Variants in ZP3 observed in about 807,000 individuals in gnomAD.
ZP3 encodes the protein zona pellucida sperm-binding protein 3.
Under a neutral mutation model 35.6 loss-of-function variants are expected in ZP3, and 21 were observed. The ratio of observed to expected loss-of-function variants is 0.59; its 90% CI spans 0.42 to 0.85. The LOEUF is 0.85. Among genes scored for constraint, ZP3 ranks in the 40% least tolerant of loss-of-function variants. The probability of loss-of-function intolerance (pLI) is 0.00; values close to 1 mark genes in which losing one functional copy is unlikely to be tolerated. For synonymous variants in ZP3, 207 were observed against 214.5 expected, an observed-to-expected ratio of 0.96 and a Z score of 0.31; for missense variants, 437 against 536.5, an observed-to-expected ratio of 0.81 and a Z score of 1.83.
upstream of ZP3, among the ~76,000 whole-genome samples, chr7:76,423,063 G>GAAAGAAAGAAAC (rs1319925754): frequency 1.4e-5 from 2 of 145,968 alleles, no homozygotes; most frequent in African/African-American, 5.2e-5. Context: ...AAGAAAGAAA[G>GAAAGAAAGAAAC]AAAGAAAGAA....
chr7:76,422,919 C>T (rs1465898691), upstream of ZP3, among the ~76,000 whole-genome samples: 1 of 146,248 alleles, frequency 6.8e-6, no homozygotes, highest in Non-Finnish European at 1.5e-5. Flanking sequence ...ATCACTTGAA[C>T]CCAGGAGGCG....
chr7:76,416,960 A>C (rs1584047263), intron 1 of ZP3, among the ~76,000 whole-genome samples: 2 of 147,362 alleles, frequency 1.4e-5, no homozygotes, highest in South Asian at 4.2e-4. Context: ...ATATATATAT[A>C]TATATATATA....
At chr7:76,404,684 A>G (rs1250822620) in intron 1 of ZP3, among the ~76,000 whole-genome samples, 3 of 151,988 alleles carry the variant, frequency 2.0e-5, no homozygotes, top group African/African-American at 7.2e-5. Flanking sequence ...TAATCCCAGC[A>G]CTTTGGGAGG....
chr7:76,433,780 C>T (rs1012568756), intron 4 of ZP3, 133 bp downstream of exon 4: 61 of 1,106,018 alleles, frequency 5.5e-5, no homozygotes, highest in South Asian at 1.1e-4. Flanking sequence ...CCCTCTGCAA[C>T]CTCTGCCTCC....
chr7:76,404,152 C>T (rs756627830), intron 1 of ZP3, among the ~76,000 whole-genome samples: 1 of 152,144 alleles, frequency 6.6e-6, no homozygotes, highest in Non-Finnish European at 1.5e-5. Flanking sequence ...CAAACTCAGA[C>T]TCTTAGCTCT....
chr7:76,438,538 G>GAAAAAAAAAAAAA (rs71085417), intron 5 of ZP3, among the ~76,000 whole-genome samples: 18 of 88,522 alleles, frequency 2.0e-4, no homozygotes, highest in East Asian at 7.3e-4. Flanking sequence ...CTCCGTCTCA[G>GAAAAAAAAAAAAA]AAAAAAAAAA....
At chr7:76,400,401 G>T in intron 1 of ZP3, 9 of 1,601,804 alleles carry the variant, frequency 5.6e-6, no homozygotes, top group Non-Finnish European at 7.7e-6. Context: ...TGTCCAGCAG[G>T]ATGGGGCCTC....
upstream of ZP3, among the ~76,000 whole-genome samples, chr7:76,420,329 T>C (rs1805477905): frequency 6.6e-6 from 1 of 152,166 alleles, no homozygotes; most frequent in South Asian, 2.1e-4. Flanking sequence ...CACCAGATGT[T>C]CTTTTTCTGC....
At chr7:76,436,440 T>TC (rs1806016604) in intron 5 of ZP3, among the ~76,000 whole-genome samples, 1 of 152,236 alleles carries the variant, frequency 6.6e-6, no homozygotes, top group Non-Finnish European at 1.5e-5. Flanking sequence ...GTGACTCTAA[T>TC]ACGCAGCCAG....
Position 76,404,361 on chromosome 7 carries a change from C to T in ZP3, c.-67+6564C>T, listed in dbSNP as rs770570125. The T allele has an allele frequency of 1.9e-6, 3 of 1,613,336 alleles. No individual in the cohort carries two copies. Among genetic ancestry groups the T allele is most frequent in the South Asian group, 1.1e-5 (1 of 91,032 alleles). On this transcript the variant is annotated intron_variant, in intron 1 of 8. Coordinates refer to the ZP3 transcript ENST00000336517. ...GCTTGGGGGAGGAAGGGAGGGGCAG[C>T]ACTCCCATCTCCCAACCTCCACCCC...
intron 5 of ZP3, among the ~76,000 whole-genome samples, chr7:76,438,185 A>G (rs1186623131): frequency 6.6e-6 from 1 of 152,188 alleles, no homozygotes; most frequent in African/African-American, 2.4e-5. Context: ...TGACCTGGGG[A>G]CGGGCCAAGG....
At chr7:76,424,076 G>C (rs1434066648), upstream of ZP3, among the ~76,000 whole-genome samples, 1 of 151,984 alleles carries the variant, frequency 6.6e-6, no homozygotes, top group East Asian at 1.9e-4. Flanking sequence ...TCTCCTAATT[G>C]ATACCGCCTC....
chr7:76,441,865 G>A lies in ZP3; in HGVS notation c.1084G>A (p.Val362Met), dbSNP rs765246190. Residue 362 changes from valine (V) to methionine (M), a missense_variant, in exon 8 of 8, where the codon GTG becomes ATG. Coordinates refer to ENST00000394857, the MANE Select transcript of ZP3 (RefSeq NM_001110354.2). The part of the protein sequence containing the change: ...RHVTEEADVT[V>M]GPLIFLDRRG... ...AGTGACAGAAGAAGCAGATGTCACC[G>A]TGGGGCCACTGATCTTCCTGGACAG... 2.4e-5 allele frequency: 38 copies of A among 1,613,230 alleles called. No homozygotes were observed. Among genetic ancestry groups the A allele is most frequent in the Non-Finnish European group, 3.1e-5 (36 of 1,179,640 alleles).
intron 1 of ZP3, among the ~76,000 whole-genome samples, chr7:76,409,883 A>G (rs973625063): frequency 6.6e-6 from 1 of 151,482 alleles, no homozygotes; most frequent in Non-Finnish European, 1.5e-5. Context: ...GATCCAGCCC[A>G]GGAGTCCCGC....
chr7:76,423,023 GAGAGAAAGAAAGAAAGAAAGAA>G (rs1214548072), upstream of ZP3, among the ~76,000 whole-genome samples: 37 of 98,936 alleles, frequency 3.7e-4, 1 homozygote, highest in South Asian at 4.5e-3. Flanking sequence ...GAGAGAGAGA[GAGAGAAAGAAAGAAAGAAAGAA>G]AGAAAGAAAG....
At chr7:76,428,161 A>C (rs1289685801) in intron 1 of ZP3, among the ~76,000 whole-genome samples, 7 of 114,616 alleles carry the variant, frequency 6.1e-5, no homozygotes, top group Non-Finnish European at 1.2e-4. Flanking sequence ...CCCTGTCTCT[A>C]TTTAAAAAAA....
intron 5 of ZP3, 149 bp from the exon 6 acceptor site, chr7:76,440,101 G>C (rs79346514): frequency 0.017 from 24,233 of 1,404,312 alleles, 171 homozygotes; most frequent in African/African-American, 0.08. Context: ...CCCGCCTTGG[G>C]CTCCCAAAGT....
chr7:76,435,194 A>C (rs1312495710), intron 5 of ZP3, among the ~76,000 whole-genome samples: 5 of 152,230 alleles, frequency 3.3e-5, no homozygotes, highest in Admixed American at 2.0e-4. Flanking sequence ...AATACAAAAA[A>C]TTAGCTGGGC....
rs1805771415 is a variant in ZP3, at chr7:76,429,613, C to T, written c.411C>T (p.Pro137=). The change falls in exon 2 of 8, where the codon CCC becomes CCT. Residue 137 remains proline (P), a synonymous_variant. Transcript: ENST00000394857. The stretch of plus-strand genomic sequence containing the variant: ...TGAGGACTAACCGCGCAGAGATTCC[C>T]ATCGAGTGCCGCTACCCCAGGTCGG... ...SIVRTNRAEI[P]IECRYPRQGN... The T allele has an allele frequency of 6.2e-7, 1 of 1,614,064 alleles. No homozygotes were observed. The highest frequency in any genetic ancestry group is 8.5e-7 in the Non-Finnish European group (1 of 1,179,956).
Sources: gnomAD v4.1 joint callset for allele counts (sites outside exome capture counted in the v4.1 genomes callset) on GRCh38, gnomAD v4.1.1 for gene constraint, MANE v1.5 for transcripts, NCBI Gene and HGNC (gene_info 2026-07-23, HGNC 2026-07-21) for gene names.